The following ZNG1A variants were observed in gnomAD, a reference collection of about 807,000 sequenced individuals.
ZNG1A encodes the protein zinc-regulated GTPase metalloprotein activator 1A.
the ZNG1A span, among the ~76,000 whole-genome samples, chr9:128,932 G>C: frequency 6.6e-6 from 1 of 151,758 alleles, no homozygotes; most frequent in Non-Finnish European, 1.5e-5. Context: ...CTGAGCTGTA[G>C]TGATTGCTAT....
the ZNG1A span, chr9:164,054 T>G: frequency 6.4e-7 from 1 of 1,562,584 alleles, no homozygotes; most frequent in South Asian, 1.2e-5. Flanking sequence ...ATATATAATA[T>G]TCATCAAATA....
chr9:125,218 C>T, the ZNG1A span, among the ~76,000 whole-genome samples: 27,700 of 149,468 alleles, frequency 0.19, 1,792 homozygotes, highest in East Asian at 0.33. Context: ...CCAACATCTA[C>T]TATTTTTTTG....
At chr9:132,794 A>G in the ZNG1A span, among the ~76,000 whole-genome samples, 1 of 54,580 alleles carries the variant, frequency 1.8e-5, no homozygotes, top group Non-Finnish European at 3.6e-5. Flanking sequence ...AAAACCTAGG[A>G]AAGATTTTCT....
At chr9:178,822 A>G in the ZNG1A span, 166 of 1,128,796 alleles carry the variant, frequency 1.5e-4, 26 homozygotes, top group African/African-American at 2.2e-3. Flanking sequence ...TTACCTAAAT[A>G]CCCGGTGATA....
the ZNG1A span, among the ~76,000 whole-genome samples, chr9:174,392 A>G: frequency 1.3e-5 from 2 of 152,076 alleles, no homozygotes; most frequent in Non-Finnish European, 2.9e-5. Flanking sequence ...CTAGGTATTA[A>G]TAAAGAGCTT....
At chr9:174,502 T>C in the ZNG1A span, among the ~76,000 whole-genome samples, 1 of 151,846 alleles carries the variant, frequency 6.6e-6, no homozygotes, top group Non-Finnish European at 1.5e-5. Flanking sequence ...GCAAAAATGA[T>C]CCAGGAAAAA....
the ZNG1A span, chr9:164,034 G>A: frequency 6.3e-7 from 1 of 1,586,680 alleles, no homozygotes; most frequent in South Asian, 1.2e-5. Context: ...AGAAGCCACT[G>A]CACCTGAAAA....
chr9:172,281 G>T, the ZNG1A span: 2 of 1,423,016 alleles, frequency 1.4e-6, no homozygotes, highest in Admixed American at 4.0e-5. Context: ...GTACCCTTGG[G>T]AATGTGAAAA....
At chr9:159,994 A>G in the ZNG1A span, 1 of 442,456 alleles carries the variant, frequency 2.3e-6, no homozygotes, top group East Asian at 7.0e-5. Flanking sequence ...GAAACCTCTC[A>G]CTTGACCTTC....
the ZNG1A span, chr9:154,770 G>C: frequency 2.7e-5 from 43 of 1,594,786 alleles, no homozygotes; most frequent in Admixed American, 8.4e-5. Flanking sequence ...TTATTAATGA[G>C]AATGGCATCT....
chr9:121,605 A>T, the ZNG1A span: 9 of 1,583,328 alleles, frequency 5.7e-6, no homozygotes, highest in Non-Finnish European at 7.7e-6. Context: ...ACGTGATTAC[A>T]TTATGCTTAT....
chr9:139,985 T>C, the ZNG1A span, among the ~76,000 whole-genome samples: 3 of 150,510 alleles, frequency 2.0e-5, no homozygotes, highest in Non-Finnish European at 2.9e-5. Flanking sequence ...CACGAGATTA[T>C]ATCCCGCACC....
At chr9:177,414 G>A in the ZNG1A span, among the ~76,000 whole-genome samples, 11 of 151,906 alleles carry the variant, frequency 7.2e-5, no homozygotes, top group Non-Finnish European at 8.8e-5. Context: ...CAGGATTTGG[G>A]GGGATGGTAA....
the ZNG1A span, among the ~76,000 whole-genome samples, chr9:132,289 C>T: frequency 2.7e-5 from 4 of 148,120 alleles, no homozygotes; most frequent in Non-Finnish European, 4.4e-5. Flanking sequence ...TTTGGGAGGC[C>T]GAAGCAGGTG....
chr9:166,720 A>G, the ZNG1A span: 8 of 152,572 alleles, frequency 5.2e-5, no homozygotes, highest in African/African-American at 1.9e-4. Context: ...TAGAGCCTAT[A>G]TAACACAATG....
chr9:157,005 C>G, the ZNG1A span, among the ~76,000 whole-genome samples: 1 of 138,676 alleles, frequency 7.2e-6, no homozygotes, highest in Non-Finnish European at 1.5e-5. Context: ...ATCTAAAATA[C>G]TTCCCTACAC....
At chr9:138,794 C>T in the ZNG1A span, among the ~76,000 whole-genome samples, 14 of 148,824 alleles carry the variant, frequency 9.4e-5, no homozygotes, top group East Asian at 2.4e-3. Context: ...GTCCCAGCTT[C>T]TTGGGAGGCT....
At chr9:166,257 C>G in the ZNG1A span, 3 of 139,896 alleles carry the variant, frequency 2.1e-5, no homozygotes, top group Non-Finnish European at 4.6e-5. Context: ...AGCCTAAAAG[C>G]CACATTGCCC....
the ZNG1A span, chr9:147,028 A>G: frequency 6.6e-6 from 1 of 151,154 alleles, no homozygotes; most frequent in Admixed American, 6.6e-5. Context: ...AAATACAAAA[A>G]TTAGCTGGGT....
Sources: gnomAD v4.1 joint callset for allele counts (sites outside exome capture counted in the v4.1 genomes callset) on GRCh38, gnomAD v4.1.1 for gene constraint, MANE v1.5 for transcripts, NCBI Gene and HGNC (gene_info 2026-07-23, HGNC 2026-07-21) for gene names.